The following GOLPH3 variants were observed in gnomAD, a reference collection of about 807,000 sequenced individuals.
The protein encoded by GOLPH3 is coat protein GPP34.
A neutral mutation model predicts 28.5 loss-of-function variants in GOLPH3; 14 were observed. The observed-to-expected ratio is 0.49, with a 90% CI of 0.32 to 0.77. GOLPH3 has a LOEUF of 0.77. GOLPH3 is among the 30% of genes least tolerant of loss of function. GOLPH3 has a pLI of 0.03. For missense variants in GOLPH3, 350 were observed against 393.7 expected, an observed-to-expected ratio of 0.89 and a Z score of 0.94; for synonymous variants, 158 against 159.2, an observed-to-expected ratio of 0.99 and a Z score of 0.06.
chr5:32,148,872 G>A (rs1746238951), intron 1 of GOLPH3, among the ~76,000 whole-genome samples: 1 of 152,234 alleles, frequency 6.6e-6, no homozygotes, highest in Non-Finnish European at 1.5e-5. Context: ...CTACTCAGGA[G>A]GTTGAGGCAG....
chr5:32,166,973 G>C (rs1746729826), intron 1 of GOLPH3, among the ~76,000 whole-genome samples: 1 of 151,700 alleles, frequency 6.6e-6, no homozygotes, highest in South Asian at 2.1e-4. Flanking sequence ...AGAAGGGGGG[G>C]GGAGTTTGCA....
At chr5:32,171,653 GA>G (rs909981195) in intron 1 of GOLPH3, among the ~76,000 whole-genome samples, 6 of 151,822 alleles carry the variant, frequency 4.0e-5, no homozygotes, top group African/African-American at 1.5e-4. Flanking sequence ...TGTCCAAAAA[GA>G]AAAATGTTTA....
chr5:32,163,273 AAGTT>A (rs1390133869), intron 1 of GOLPH3, among the ~76,000 whole-genome samples: 1 of 152,206 alleles, frequency 6.6e-6, no homozygotes, highest in Non-Finnish European at 1.5e-5. Flanking sequence ...ACTCCCATAA[AAGTT>A]AGTAACTCAG....
At chr5:32,131,581 T>TA (rs1474245657) in intron 3 of GOLPH3, among the ~76,000 whole-genome samples, 1 of 152,250 alleles carries the variant, frequency 6.6e-6, no homozygotes, top group Admixed American at 6.5e-5. Flanking sequence ...TCCATGCTGT[T>TA]AGTCCTCAGT....
chr5:32,155,156 A>T (rs2111875747), intron 1 of GOLPH3, among the ~76,000 whole-genome samples: 1 of 152,062 alleles, frequency 6.6e-6, no homozygotes, highest in South Asian at 2.1e-4. Flanking sequence ...ACACAACTCT[A>T]AATACACTAA....
At chr5:32,128,262 A>G (rs1331406235) in intron 3 of GOLPH3, among the ~76,000 whole-genome samples, 1 of 152,242 alleles carries the variant, frequency 6.6e-6, no homozygotes, top group East Asian at 1.9e-4. Context: ...CAAAAGCCTC[A>G]CTAAAAACCA....
chr5:32,131,259 A>G (rs1424074231), intron 3 of GOLPH3, among the ~76,000 whole-genome samples: 1 of 152,274 alleles, frequency 6.6e-6, no homozygotes, highest in Non-Finnish European at 1.5e-5. Context: ...TTTGTGGTAT[A>G]GAAAAAAGGC....
chr5:32,167,917 A>C (rs1418233251), intron 1 of GOLPH3, among the ~76,000 whole-genome samples: 12 of 152,104 alleles, frequency 7.9e-5, no homozygotes, highest in African/African-American at 2.2e-4. Context: ...TCACACCACC[A>C]CACTCCAGTC....
At chr5:32,145,529 T>C (rs949141372) in intron 1 of GOLPH3, among the ~76,000 whole-genome samples, 3 of 152,186 alleles carry the variant, frequency 2.0e-5, no homozygotes, top group African/African-American at 4.8e-5. Flanking sequence ...CCTGGACATA[T>C]AGACAGAGTT....
chr5:32,144,316 A>C (rs1216582971), intron 1 of GOLPH3, among the ~76,000 whole-genome samples: 1 of 152,254 alleles, frequency 6.6e-6, no homozygotes, highest in Non-Finnish European at 1.5e-5. Flanking sequence ...ATTGCTGTTT[A>C]GGATAAAACC....
chr5:32,174,110 C>A lies in GOLPH3; in HGVS notation c.-76G>T. On this transcript the variant is annotated 5_prime_UTR_variant, in exon 1 of 4. Coordinates refer to ENST00000265070, the MANE Select transcript of GOLPH3 (RefSeq NM_022130.4). Reference sequence around the variant, plus strand: ...GGTCGCCCTCCTCCTCCCCGCGCGGCCTCCGATCCGGGTTTCCGTGTTAAA... The same window carrying A: ...GGTCGCCCTCCTCCTCCCCGCGCGGACTCCGATCCGGGTTTCCGTGTTAAA... The A allele has an allele frequency of 3.8e-6, 4 of 1,041,380 alleles. No homozygotes were observed. The highest frequency in any genetic ancestry group is 4.9e-6 in the Non-Finnish European group (4 of 815,190). The allele number at this position is 1,041,380 out of a possible 1,614,324, so 64.5% of individuals were successfully genotyped here.
At chr5:32,149,386 G>A (rs1746253870) in intron 1 of GOLPH3, among the ~76,000 whole-genome samples, 1 of 152,172 alleles carries the variant, frequency 6.6e-6, no homozygotes, top group Non-Finnish European at 1.5e-5. Flanking sequence ...AATGGCTAAA[G>A]GGGATGAGCT....
At chr5:32,153,828 C>T (rs1283369681) in intron 1 of GOLPH3, among the ~76,000 whole-genome samples, 1 of 152,102 alleles carries the variant, frequency 6.6e-6, no homozygotes, top group Non-Finnish European at 1.5e-5. Flanking sequence ...GTCCTACAAG[C>T]AGTAACAACT....
At chr5:32,171,086 G>A (rs1044810865) in intron 1 of GOLPH3, among the ~76,000 whole-genome samples, 1 of 152,168 alleles carries the variant, frequency 6.6e-6, no homozygotes, top group Admixed American at 6.5e-5. Flanking sequence ...AATTATGTGA[G>A]TATGGTTAAA....
At chr5:32,168,058 A>G (rs921196289) in intron 1 of GOLPH3, among the ~76,000 whole-genome samples, 4 of 152,234 alleles carry the variant, frequency 2.6e-5, no homozygotes, top group African/African-American at 9.6e-5. Flanking sequence ...AAATAGATAA[A>G]AATTCAAAAC....
intron 1 of GOLPH3, among the ~76,000 whole-genome samples, chr5:32,161,630 T>C (rs1047454932): frequency 2.0e-5 from 3 of 151,246 alleles, no homozygotes; most frequent in East Asian, 1.9e-4. Context: ...TTTTGGAGGC[T>C]TGGAGGCTAC....
At chr5:32,158,024 ACACACACAC>A (rs1746477383) in intron 1 of GOLPH3, among the ~76,000 whole-genome samples, 1 of 9,234 alleles carries the variant, frequency 1.1e-4, no homozygotes, top group East Asian at 2.8e-3. Context: ...TAAATAAAAT[ACACACACAC>A]ACACACACAC....
chr5:32,131,384 T>C (rs1405179178), intron 3 of GOLPH3, among the ~76,000 whole-genome samples: 1 of 152,240 alleles, frequency 6.6e-6, no homozygotes, highest in African/African-American at 2.4e-5. Flanking sequence ...TTAGCGTAAG[T>C]AAGACATCAG....
At chr5:32,127,738 A>G (rs1745715047) in intron 3 of GOLPH3, among the ~76,000 whole-genome samples, 1 of 152,180 alleles carries the variant, frequency 6.6e-6, no homozygotes, top group Non-Finnish European at 1.5e-5. Flanking sequence ...TTATTTTCCT[A>G]TACTTAATAC....
Sources: allele counts gnomAD v4.1 joint callset (sites outside exome capture counted in the v4.1 genomes callset), GRCh38; gene constraint gnomAD v4.1.1; transcripts MANE v1.5; gene names NCBI Gene and HGNC (gene_info 2026-07-23, HGNC 2026-07-21).